Variants in NR3C2 observed in about 807,000 individuals in gnomAD.
NR3C2 encodes nuclear receptor subfamily 3 group C member 2.
In NR3C2, 15 loss-of-function variants were observed where a neutral mutation model predicts 86.4. The observed-to-expected ratio is 0.17, with a 90% CI of 0.12 to 0.27. The LOEUF (loss-of-function observed/expected upper bound fraction) is 0.27, where lower values mean the gene tolerates loss of function less well. Ranked by LOEUF, NR3C2 falls within the 10% of genes least tolerant of loss-of-function variation. NR3C2 has a pLI of 1.00. For missense variants in NR3C2, 960 were observed against 1,195.6 expected (o/e 0.80, Z 2.91); for synonymous variants, 458 against 450.5 (o/e 1.02, Z -0.21).
chr4:148,342,146 C>T (rs947876767), intron 2 of NR3C2, among the ~76,000 whole-genome samples: 2 of 152,086 alleles, frequency 1.3e-5, no homozygotes, highest in African/African-American at 4.8e-5. Flanking sequence ...AAGAAGATGG[C>T]TACGAGGAGT....
chr4:148,363,942 C>T (rs539538923), intron 2 of NR3C2, among the ~76,000 whole-genome samples: 2 of 152,306 alleles, frequency 1.3e-5, no homozygotes, highest in East Asian at 3.9e-4. Flanking sequence ...GAAGATCTCA[C>T]ATTTCAAAAT....
At chr4:148,206,389 C>A (rs1435737066) in intron 3 of NR3C2, among the ~76,000 whole-genome samples, 2 of 152,168 alleles carry the variant, frequency 1.3e-5, no homozygotes, top group Non-Finnish European at 2.9e-5. Flanking sequence ...TTGGCCCCAT[C>A]ATTGTCTCAA....
chr4:148,104,341 G>GTTTT (rs1553985370), intron 8 of NR3C2, among the ~76,000 whole-genome samples: 11,560 of 122,084 alleles, frequency 0.095, 904 homozygotes, highest in African/African-American at 0.2. Flanking sequence ...GTTTTGGTTT[G>GTTTT]GTTTTTTTTT....
At chr4:148,240,395 C>A (rs978417681) in intron 3 of NR3C2, among the ~76,000 whole-genome samples, 3 of 151,934 alleles carry the variant, frequency 2.0e-5, no homozygotes, top group African/African-American at 7.3e-5. Context: ...CCAGTGTCTA[C>A]CACATTGGAC....
chr4:148,097,747 TTTTG>T (rs1268706968), intron 8 of NR3C2, among the ~76,000 whole-genome samples: 1 of 113,702 alleles, frequency 8.8e-6, no homozygotes, highest in African/African-American at 5.7e-5. Flanking sequence ...TTGCGTTTTT[TTTTG>T]TTTTTTTTTT....
At chr4:148,274,508 G>C (rs1213996739) in intron 2 of NR3C2, among the ~76,000 whole-genome samples, 1 of 151,888 alleles carries the variant, frequency 6.6e-6, no homozygotes, top group African/African-American at 2.4e-5. Context: ...GAGAGCTGAT[G>C]GTTTAAAAGT....
chr4:148,138,203 C>T (rs972080403), intron 6 of NR3C2, among the ~76,000 whole-genome samples: 3 of 152,102 alleles, frequency 2.0e-5, no homozygotes, highest in African/African-American at 7.2e-5. Flanking sequence ...AGCTCATTAA[C>T]GACAATGTTA....
chr4:148,268,007 T>C (rs1167491129), intron 2 of NR3C2, among the ~76,000 whole-genome samples: 2 of 149,254 alleles, frequency 1.3e-5, no homozygotes, highest in African/African-American at 4.9e-5. Flanking sequence ...TGGCGTGATC[T>C]CAGCTCACTG....
chr4:148,250,230 A>G (rs1739512636), intron 3 of NR3C2, among the ~76,000 whole-genome samples: 1 of 152,216 alleles, frequency 6.6e-6, no homozygotes. Flanking sequence ...GGAAAGAACT[A>G]TTACACTACA....
intron 6 of NR3C2, among the ~76,000 whole-genome samples, chr4:148,131,042 T>G (rs1733022161): frequency 6.6e-6 from 1 of 151,974 alleles, no homozygotes; most frequent in Admixed American, 6.6e-5. Flanking sequence ...CTGTGTTAGC[T>G]AGGATGGTCT....
At chr4:148,288,655 CT>C (rs1254704857) in intron 2 of NR3C2, among the ~76,000 whole-genome samples, 2 of 152,090 alleles carry the variant, frequency 1.3e-5, no homozygotes, top group Non-Finnish European at 2.9e-5. Flanking sequence ...TATCTGCTCC[CT>C]TTTTTTTCCT....
intron 2 of NR3C2, among the ~76,000 whole-genome samples, chr4:148,394,323 G>A (rs1747744978): frequency 6.6e-6 from 1 of 151,018 alleles, no homozygotes; most frequent in African/African-American, 2.4e-5. Context: ...TTATTAAGCA[G>A]AAACAGAAAA....
At chr4:148,092,360 T>C (rs751854707) in intron 8 of NR3C2, among the ~76,000 whole-genome samples, 1 of 152,196 alleles carries the variant, frequency 6.6e-6, no homozygotes, top group Non-Finnish European at 1.5e-5. Flanking sequence ...GTGCAGCTCC[T>C]TAAACAGCGG....
chr4:148,379,250 GT>G lies in NR3C2; in HGVS notation c.1757+55853del, dbSNP rs377153799. 1.1e-3 allele frequency among the ~76,000 whole-genome samples: 164 copies of G among 147,068 alleles called. 1 individual carries two copies. Among genetic ancestry groups the G allele is most frequent in the African/African-American group, 1.5e-3 (61 of 40,206 alleles). The stretch of plus-strand genomic sequence containing the variant: ...TTCAATTTAGGGATGTAAATCAAGT[GT>G]TTTTTTTTTTAAATACCAGAAATGC... On this transcript the variant is annotated intron_variant, in intron 2 of 8. Coordinates refer to ENST00000358102, the MANE Select transcript of NR3C2 (RefSeq NM_000901.5).
chr4:148,358,715 T>G (rs1745692409), intron 2 of NR3C2, among the ~76,000 whole-genome samples: 1 of 152,192 alleles, frequency 6.6e-6, no homozygotes. Flanking sequence ...CACTGAGGTT[T>G]TAAAAGTAGT....
chr4:148,173,317 G>T (rs3857079), intron 4 of NR3C2, among the ~76,000 whole-genome samples: 104,976 of 152,132 alleles, frequency 0.69, 36,464 homozygotes, highest in African/African-American at 0.78. Context: ...ATCAAGGATT[G>T]GAAGATAGGG....
At chr4:148,261,177 T>C (rs139962977) in intron 2 of NR3C2, among the ~76,000 whole-genome samples, 1,579 of 152,240 alleles carry the variant, frequency 0.01, 82 homozygotes, top group Admixed American at 0.093. Flanking sequence ...TGGTGCACTA[T>C]GGTCAGCGCT....
rs1339971433 is a variant in NR3C2 at position 148,264,830 on chromosome 4, A to T, written c.1758-4713T>A. On this transcript the variant is annotated intron_variant, in intron 2 of 8. Coordinates refer to ENST00000358102, the MANE Select transcript of NR3C2 (RefSeq NM_000901.5). ...ACACTGTTTGATCTGGATCAAACATAAAAAATGAATAAAATATTATTCTTT... is the reference window on the plus strand; with the variant it reads ...ACACTGTTTGATCTGGATCAAACATTAAAAATGAATAAAATATTATTCTTT... Among the ~76,000 whole-genome samples the T allele has an allele frequency of 5.3e-5, 8 of 152,246 alleles. No homozygotes were observed. The East Asian group carries it at 1.5e-3, about 29-fold the overall frequency.
At chr4:148,201,829 T>A (rs975967803) in intron 3 of NR3C2, among the ~76,000 whole-genome samples, 1 of 152,194 alleles carries the variant, frequency 6.6e-6, no homozygotes, top group Non-Finnish European at 1.5e-5. Flanking sequence ...CCCACTCCTC[T>A]ACCTATATCT....
Sources: allele counts gnomAD v4.1 joint callset (sites outside exome capture counted in the v4.1 genomes callset), GRCh38; gene constraint gnomAD v4.1.1; transcripts MANE v1.5; gene names NCBI Gene and HGNC (gene_info 2026-07-23, HGNC 2026-07-21).